RABL3: variants seen among roughly 807,000 people sequenced by gnomAD.
RABL3 encodes RAB, member of RAS oncogene family like 3.
In RABL3, 31 loss-of-function variants were observed where a neutral mutation model predicts 31.8. That is an observed-to-expected ratio of 0.97 (90% CI 0.73 to 1.31). RABL3 has a LOEUF of 1.31. RABL3 is among the 40% of genes most tolerant of loss of function. The probability of loss-of-function intolerance (pLI) is 0.00; values close to 1 mark genes in which losing one functional copy is unlikely to be tolerated. For synonymous variants in RABL3, 97 were observed against 99.9 expected (o/e 0.97, Z 0.18); for missense variants, 263 against 279.6 (o/e 0.94, Z 0.42).
chr3:120,701,700 T>C (rs1337634939), intron 4 of RABL3, among the ~76,000 whole-genome samples: 2 of 152,188 alleles, frequency 1.3e-5, no homozygotes, highest in African/African-American at 4.8e-5. Flanking sequence ...GGAATCTACA[T>C]ATATATACTC....
intron 2 of RABL3, among the ~76,000 whole-genome samples, chr3:120,717,614 G>A (rs1402454247): frequency 6.6e-6 from 1 of 152,118 alleles, no homozygotes; most frequent in African/African-American, 2.4e-5. Context: ...GATTACAGGT[G>A]TGTGCCACCA....
intron 1 of RABL3, among the ~76,000 whole-genome samples, chr3:120,739,345 C>G (rs908105431): frequency 2.6e-5 from 4 of 151,790 alleles, no homozygotes; most frequent in African/African-American, 9.7e-5. Context: ...CCACTGCACT[C>G]CAGCCTGGGT....
chr3:120,740,277 T>A (rs1467107270), intron 1 of RABL3, among the ~76,000 whole-genome samples: 2 of 152,180 alleles, frequency 1.3e-5, no homozygotes, highest in Non-Finnish European at 2.9e-5. Flanking sequence ...TTTTTTTTTC[T>A]TGGAGACAGG....
chr3:120,729,115 G>T (rs1708854531), intron 2 of RABL3, among the ~76,000 whole-genome samples: 1 of 152,086 alleles, frequency 6.6e-6, no homozygotes, highest in African/African-American at 2.4e-5. Flanking sequence ...GACAAGACAA[G>T]AAAAACATTG....
rs142834698 is a variant in RABL3 at position 120,687,624 on chromosome 3, C to T, written c.*2199G>A. The T allele has an allele frequency of 3.3e-5, 5 of 152,196 alleles. No individual in the cohort carries two copies. The highest frequency in any genetic ancestry group is 7.4e-5 in the Non-Finnish European group (5 of 68,018). The allele number at this position is 152,196 out of a possible 1,614,324, so 9.4% of individuals were successfully genotyped here. ...ATTATGCTGCTGCTAATAATTGCAA[C>T]AAATTTACCTTAGATTATTAAAAAC... is the stretch of plus-strand genomic sequence containing the variant. On this transcript the variant is annotated 3_prime_UTR_variant, in exon 8 of 8. Coordinates refer to ENST00000273375, the MANE Select transcript of RABL3 (RefSeq NM_173825.5).
Position 120,689,862 on chromosome 3 carries a change from T to G in RABL3, c.672A>C (p.Arg224Ser). The G allele has an allele frequency of 1.9e-6, 3 of 1,613,224 alleles. No individual in the cohort carries two copies. Among genetic ancestry groups the G allele is most frequent in the Non-Finnish European group, 2.5e-6 (3 of 1,179,352 alleles). ...NQIPGFPDRK[R>S]FGAGTLKSLH... ...GGCTCTTTAATGTTCCTGCCCCAAATCTTTTCCGATCAGGAAAGCCTGGAA... is the reference window on the plus strand; with the variant it reads ...GGCTCTTTAATGTTCCTGCCCCAAAGCTTTTCCGATCAGGAAAGCCTGGAA... Residue 224 changes from arginine (R) to serine (S), a missense_variant, in exon 8 of 8, where the codon AGA becomes AGC. By Grantham distance (110) the Arg-to-Ser change is moderately radical. Coordinates refer to ENST00000273375, the MANE Select transcript of RABL3 (RefSeq NM_173825.5).
chr3:120,688,801 C>A lies in RABL3; in HGVS notation c.*1022G>T, dbSNP rs1383281114. The A allele has an allele frequency of 6.6e-6, 1 of 152,118 alleles. No homozygotes were observed. Among genetic ancestry groups the A allele is most frequent in the Admixed American group, 6.5e-5 (1 of 15,268 alleles). 9.4% of individuals were successfully genotyped at this position (152,118 alleles called of 1,614,324 possible). On this transcript the variant is annotated 3_prime_UTR_variant, in exon 8 of 8. Transcript: ENST00000273375. ...GTAATGATGAACAATTACGGACACA[C>A]ACACACACACACACCATCCCCAAAA...
chr3:120,707,960 T>A (rs1179063180), intron 3 of RABL3, among the ~76,000 whole-genome samples: 1 of 152,084 alleles, frequency 6.6e-6, no homozygotes, highest in East Asian at 1.9e-4. Context: ...GGGAGAGAAG[T>A]AAAGACACTT....
chr3:120,730,738 C>G lies in RABL3; in HGVS notation c.96G>C (p.Leu32=). Residue 32 remains leucine (L), a synonymous_variant, in exon 2 of 8, where the codon CTG becomes CTC. Coordinates refer to ENST00000273375, the MANE Select transcript of RABL3 (RefSeq NM_173825.5). The stretch of plus-strand genomic sequence containing the variant: ...AGCCCACAGTCCATGATGGATTTCC[C>G]AGCACTTGATTTTGGCATAGGAGAT... ...LVHLLCQNQV[L]GNPSWTVGCS... is the part of the protein sequence containing the mutation. 1 of 1,613,942 alleles carries G rather than the reference C, an allele frequency of 6.2e-7. No homozygotes were observed.
chr3:120,685,010 A>G lies in RABL3; in HGVS notation c.*4813T>C, dbSNP rs774913153. 3.9e-5 allele frequency among the ~76,000 whole-genome samples: 6 copies of G among 152,342 alleles called. No individual in the cohort carries two copies. The highest frequency in any genetic ancestry group is 2.6e-4 in the Admixed American group (4 of 15,296). On this transcript the variant is annotated 3_prime_UTR_variant, in exon 8 of 8. Coordinates refer to ENST00000273375, the MANE Select transcript of RABL3 (RefSeq NM_173825.5). ...ACATTCATTTATTTAACAATTTTTG[A>G]AAACCATCACAACATAGTGTAAGTG...
At chr3:120,730,402 C>T (rs1708868779) in intron 2 of RABL3, among the ~76,000 whole-genome samples, 1 of 152,118 alleles carries the variant, frequency 6.6e-6, no homozygotes, top group South Asian at 2.1e-4. Context: ...ACGGAGGATG[C>T]TATGTGAACT....
intron 2 of RABL3, among the ~76,000 whole-genome samples, chr3:120,724,109 T>C (rs1046971043): frequency 6.6e-6 from 1 of 152,212 alleles, no homozygotes; most frequent in African/African-American, 2.4e-5. Flanking sequence ...GGTCTCAGGA[T>C]ACAAAATCAA....
intron 1 of RABL3, among the ~76,000 whole-genome samples, chr3:120,731,636 G>C (rs1234168988): frequency 2.0e-5 from 3 of 152,064 alleles, no homozygotes; most frequent in Non-Finnish European, 2.9e-5. Flanking sequence ...TGACAAGCAT[G>C]GTTGGTATCT....
chr3:120,700,805 T>C (rs1039891411), intron 4 of RABL3, among the ~76,000 whole-genome samples: 1 of 152,132 alleles, frequency 6.6e-6, no homozygotes, highest in Admixed American at 6.5e-5. Context: ...TATATGTTGA[T>C]AATTGTTGAA....
intron 2 of RABL3, among the ~76,000 whole-genome samples, chr3:120,726,498 T>C (rs1303657570): frequency 3.3e-5 from 5 of 152,098 alleles, no homozygotes; most frequent in African/African-American, 1.2e-4. Flanking sequence ...CAGTGGCTCA[T>C]GCCTGTAATC....
At chr3:120,696,852 C>T (rs1049967488) in intron 5 of RABL3, among the ~76,000 whole-genome samples, 2 of 152,084 alleles carry the variant, frequency 1.3e-5, no homozygotes, top group African/African-American at 4.8e-5. Context: ...GGGGTATGCA[C>T]ATCAAATATT....
chr3:120,735,199 T>C (rs936810605), intron 1 of RABL3, among the ~76,000 whole-genome samples: 20 of 148,100 alleles, frequency 1.4e-4, no homozygotes, highest in African/African-American at 4.4e-4. Flanking sequence ...TGGTAGGCTA[T>C]TAATTATTGC....
chr3:120,719,329 C>T (rs1386037319), intron 2 of RABL3, among the ~76,000 whole-genome samples: 2 of 152,182 alleles, frequency 1.3e-5, no homozygotes, highest in South Asian at 2.1e-4. Context: ...GTTCATCTCA[C>T]TGGGGAGTGC....
intron 4 of RABL3, among the ~76,000 whole-genome samples, chr3:120,698,919 C>A (rs1012835118): frequency 1.3e-5 from 2 of 152,154 alleles, no homozygotes; most frequent in Non-Finnish European, 2.9e-5. Context: ...GTTAACATAA[C>A]AGCTCAGGAA....
Sources: gnomAD v4.1 joint callset for allele counts (sites outside exome capture counted in the v4.1 genomes callset) on GRCh38, gnomAD v4.1.1 for gene constraint, MANE v1.5 for transcripts, NCBI Gene and HGNC (gene_info 2026-07-23, HGNC 2026-07-21) for gene names.